Variants in MAP3K5 observed in about 807,000 individuals in gnomAD.
MAP3K5 encodes ASK-1.
Under a neutral mutation model 158.7 loss-of-function variants are expected in MAP3K5, and 56 were observed. The observed-to-expected ratio is 0.35, with a 90% confidence interval of 0.28 to 0.44. The LOEUF (loss-of-function observed/expected upper bound fraction) is 0.44, where lower values mean the gene tolerates loss of function less well. Among genes scored for constraint, MAP3K5 ranks in the 20% least tolerant of loss-of-function variants. The pLI is 1.00. For synonymous variants in MAP3K5, 579 were observed against 601.7 expected (o/e 0.96, Z 0.55); for missense variants, 1,294 against 1,674.8 (o/e 0.77, Z 3.97).
At chr6:136,578,340 C>T (rs1468372167) in intron 25 of MAP3K5, among the ~76,000 whole-genome samples, 2 of 152,186 alleles carry the variant, frequency 1.3e-5, no homozygotes, top group East Asian at 3.8e-4. Context: ...TCAGGTGAAA[C>T]TCATTTACTT....
At chr6:136,654,255 T>C (rs181586237) in intron 10 of MAP3K5, among the ~76,000 whole-genome samples, 1 of 152,324 alleles carries the variant, frequency 6.6e-6, no homozygotes, top group African/African-American at 2.4e-5. Context: ...CAGCAATTCC[T>C]ATGCCCACCA....
At chr6:136,585,517 T>A (rs1002370356) in intron 23 of MAP3K5, among the ~76,000 whole-genome samples, 124 of 99,524 alleles carry the variant, frequency 1.2e-3, no homozygotes, top group African/African-American at 3.7e-3. Flanking sequence ...TTATTTATTT[T>A]TTGACAAAGT....
chr6:136,698,348 T>C, intron 4 of MAP3K5, 141 bp downstream of exon 4: 4 of 667,518 alleles, frequency 6.0e-6, no homozygotes, highest in Non-Finnish European at 1.0e-5. Flanking sequence ...CTATTTTATC[T>C]ACTTGGAGGA....
intron 21 of MAP3K5, among the ~76,000 whole-genome samples, chr6:136,599,438 T>C (rs181426892): frequency 1.1e-4 from 16 of 152,030 alleles, no homozygotes; most frequent in East Asian, 7.7e-4. Context: ...CCAAGGTACA[T>C]AGTCACTGAG....
chr6:136,603,210 T>C (rs909609741), intron 19 of MAP3K5, among the ~76,000 whole-genome samples: 10 of 151,916 alleles, frequency 6.6e-5, no homozygotes, highest in South Asian at 4.1e-4. Flanking sequence ...GTCTCATTTT[T>C]TGCCCAGGTT....
At chr6:136,603,321 T>A (rs1775961554) in intron 19 of MAP3K5, among the ~76,000 whole-genome samples, 3 of 151,174 alleles carry the variant, frequency 2.0e-5, no homozygotes, top group African/African-American at 7.3e-5. Context: ...TACAGGTGCC[T>A]GCCACTGTGC....
chr6:136,702,865 G>C (rs1780911509), intron 3 of MAP3K5, among the ~76,000 whole-genome samples: 4 of 151,828 alleles, frequency 2.6e-5, no homozygotes. Flanking sequence ...TTGGCTACTT[G>C]TTGTATTTTT....
intron 1 of MAP3K5, among the ~76,000 whole-genome samples, chr6:136,779,139 A>C (rs1230877102): frequency 6.6e-6 from 1 of 152,152 alleles, no homozygotes; most frequent in East Asian, 1.9e-4. Flanking sequence ...GTCTCTACTA[A>C]AAACACAAAA....
chr6:136,648,784 A>T (rs1262197236), intron 11 of MAP3K5, among the ~76,000 whole-genome samples: 1 of 152,156 alleles, frequency 6.6e-6, no homozygotes, highest in Non-Finnish European at 1.5e-5. Flanking sequence ...TCCAGGAAGG[A>T]TCTGTCCCAG....
chr6:136,564,057 A>G (rs1830631163), intron 26 of MAP3K5, among the ~76,000 whole-genome samples: 1 of 152,192 alleles, frequency 6.6e-6, no homozygotes, highest in Admixed American at 6.5e-5. Flanking sequence ...AATCATTTGT[A>G]AAAAAGAAAA....
At chr6:136,661,720 T>G (rs994519601) in intron 8 of MAP3K5, among the ~76,000 whole-genome samples, 2 of 152,202 alleles carry the variant, frequency 1.3e-5, no homozygotes, top group East Asian at 1.9e-4. Flanking sequence ...CTTTTTATTT[T>G]TTTGTAGAGA....
intron 2 of MAP3K5, among the ~76,000 whole-genome samples, chr6:136,712,068 T>C (rs1428781369): frequency 6.6e-6 from 1 of 152,182 alleles, no homozygotes; most frequent in Non-Finnish European, 1.5e-5. Flanking sequence ...TTTTCATATT[T>C]AAATAAGTAT....
At position 136,731,324 on chromosome 6, in the gene MAP3K5, G is replaced by A. The variant is rs551840201; in HGVS notation, c.449-10735C>T. Among the ~76,000 whole-genome samples, 40 of 152,316 alleles carry A rather than the reference G, an allele frequency of 2.6e-4. No individual in the cohort carries two copies. In the South Asian group the frequency reaches 3.7e-3, roughly 14 times the overall value. On this transcript the variant is annotated intron_variant, in intron 1 of 29. Coordinates refer to ENST00000359015, the MANE Select transcript of MAP3K5 (RefSeq NM_005923.4). ...TGTAACTAATTATTACAAGCTTGAT[G>A]CCTTAAAACAGCAGAAATGTCTTCT...
intron 1 of MAP3K5, among the ~76,000 whole-genome samples, chr6:136,775,616 T>C (rs750700903): frequency 9.2e-5 from 14 of 152,178 alleles, no homozygotes; most frequent in Non-Finnish European, 1.8e-4. Context: ...CCAAAGAACA[T>C]ACAGTGTGAA....
At chr6:136,564,518 A>G (rs1774000531) in intron 26 of MAP3K5, among the ~76,000 whole-genome samples, 1 of 152,158 alleles carries the variant, frequency 6.6e-6, no homozygotes, top group African/African-American at 2.4e-5. Flanking sequence ...ATGGGCAGGA[A>G]GCTCTGTGTG....
chr6:136,657,950 G>T (rs558845615), intron 9 of MAP3K5, among the ~76,000 whole-genome samples: 1 of 152,336 alleles, frequency 6.6e-6, no homozygotes, highest in African/African-American at 2.4e-5. Flanking sequence ...TTATTCCTTA[G>T]GCTGTGAGGA....
At chr6:136,687,002 C>G (rs1220814349) in intron 7 of MAP3K5, among the ~76,000 whole-genome samples, 1 of 152,156 alleles carries the variant, frequency 6.6e-6, no homozygotes, top group African/African-American at 2.4e-5. Context: ...CTGGAGGCAT[C>G]ATGCTACCTG....
At chr6:136,679,299 T>C (rs1779834560) in intron 7 of MAP3K5, among the ~76,000 whole-genome samples, 1 of 152,222 alleles carries the variant, frequency 6.6e-6, no homozygotes, top group African/African-American at 2.4e-5. Context: ...GGACTGATCA[T>C]TTCTAGCTGG....
At chr6:136,777,619 G>T (rs1380578483) in intron 1 of MAP3K5, among the ~76,000 whole-genome samples, 2 of 152,122 alleles carry the variant, frequency 1.3e-5, no homozygotes, top group East Asian at 1.9e-4. Context: ...GTTTAAAAAA[G>T]AAATGTTATA....
Sources: allele counts gnomAD v4.1 joint callset (sites outside exome capture counted in the v4.1 genomes callset), GRCh38; gene constraint gnomAD v4.1.1; transcripts MANE v1.5; gene names NCBI Gene and HGNC (gene_info 2026-07-23, HGNC 2026-07-21).